The following MTIF3 variants were observed in gnomAD, a reference collection of about 807,000 sequenced individuals.
MTIF3 encodes translation initiation factor IF-3, mitochondrial.
In MTIF3, 13 loss-of-function variants were observed where a neutral mutation model predicts 20.7. That is an observed-to-expected ratio of 0.63 (90% CI 0.41 to 1.00). MTIF3 has a LOEUF of 1.00. Among genes scored for constraint, MTIF3 ranks in the 50% least tolerant of loss-of-function variants. The pLI is 0.00. For missense variants in MTIF3, 295 were observed against 324.5 expected, an observed-to-expected ratio of 0.91 and a Z score of 0.70; for synonymous variants, 114 against 112.5, an observed-to-expected ratio of 1.01 and a Z score of -0.08.
At chr13:27,443,150 T>G (rs1198862010) in intron 2 of MTIF3, among the ~76,000 whole-genome samples, 1 of 152,244 alleles carries the variant, frequency 6.6e-6, no homozygotes, top group African/African-American at 2.4e-5. Flanking sequence ...TGAGTATCTG[T>G]GGCCAGATGC....
At chr13:27,448,654 T>C (rs985613068) in intron 1 of MTIF3, among the ~76,000 whole-genome samples, 3 of 152,242 alleles carry the variant, frequency 2.0e-5, no homozygotes, top group Admixed American at 6.5e-5. Flanking sequence ...TGGCCAACTA[T>C]TTAACCTTAT....
chr13:27,442,977 C>T (rs1331764636), intron 2 of MTIF3, among the ~76,000 whole-genome samples: 1 of 152,220 alleles, frequency 6.6e-6, no homozygotes, highest in Non-Finnish European at 1.5e-5. Context: ...GAGCCTGGCT[C>T]AGCATGCACA....
chr13:27,442,295 G>A (rs981996578), intron 2 of MTIF3, among the ~76,000 whole-genome samples: 3 of 152,084 alleles, frequency 2.0e-5, no homozygotes, highest in Admixed American at 6.6e-5. Flanking sequence ...CGTTCAACCA[G>A]TATAACCACT....
intron 2 of MTIF3, among the ~76,000 whole-genome samples, chr13:27,444,512 T>C (rs1303568517): frequency 6.6e-6 from 1 of 152,220 alleles, no homozygotes; most frequent in African/African-American, 2.4e-5. Flanking sequence ...CAGGCCCTTA[T>C]AGATAAAAAT....
Position 27,439,970 on chromosome 13 carries a change from C to G in MTIF3, c.460+19G>C. ...TGTAGCTCTTAAAGGATTCAGGGAG[C>G]CAACAGCAAAATACCTACCAGTTTT... On this transcript the variant is annotated intron_variant, in intron 3 of 4. Coordinates refer to ENST00000381120, the MANE Select transcript of MTIF3 (RefSeq NM_152912.5). 6.2e-7 allele frequency: 1 copy of G among 1,605,012 alleles called. No homozygotes were observed. Among genetic ancestry groups the G allele is most frequent in the Non-Finnish European group, 8.5e-7 (1 of 1,172,448 alleles).
intron 3 of MTIF3, among the ~76,000 whole-genome samples, chr13:27,438,523 C>G (rs1196131552): frequency 7.4e-6 from 1 of 135,018 alleles, no homozygotes; most frequent in South Asian, 2.3e-4. Flanking sequence ...CACAGGGTCT[C>G]GCTCTGTCAC....
chr13:27,438,915 ATAACATGTGGTTT>A (rs1194109599), intron 3 of MTIF3, among the ~76,000 whole-genome samples: 8 of 149,422 alleles, frequency 5.4e-5, no homozygotes, highest in Admixed American at 4.6e-4. Context: ...TGAGCCGCAG[ATAACATGTGGTTT>A]TCTGAAGGCA....
At chr13:27,437,095 G>GCT (rs766534720) in intron 4 of MTIF3, 21 bp downstream of exon 4, 3 of 1,611,364 alleles carry the variant, frequency 1.9e-6, no homozygotes, top group Non-Finnish European at 2.5e-6. Context: ...ACAAGCAGTG[G>GCT]CTTGTACCTT....
chr13:27,441,448 CTG>C (rs1954000721), intron 2 of MTIF3, among the ~76,000 whole-genome samples: 1 of 152,230 alleles, frequency 6.6e-6, no homozygotes. Flanking sequence ...TCAGAAAACA[CTG>C]TGACATAAAT....
chr13:27,444,428 T>C (rs769822940), intron 2 of MTIF3, among the ~76,000 whole-genome samples: 16 of 152,234 alleles, frequency 1.1e-4, no homozygotes, highest in Non-Finnish European at 1.3e-4. Context: ...ATGCAATTCA[T>C]TGCAATTAAG....
At chr13:27,449,564 C>T (rs1465885739) in intron 1 of MTIF3, among the ~76,000 whole-genome samples, 1 of 152,030 alleles carries the variant, frequency 6.6e-6, no homozygotes, top group Non-Finnish European at 1.5e-5. Context: ...TTCTGATTAC[C>T]TTCCAAACTA....
At chr13:27,448,664 T>C (rs1452698511) in intron 1 of MTIF3, among the ~76,000 whole-genome samples, 1 of 152,254 alleles carries the variant, frequency 6.6e-6, no homozygotes, top group African/African-American at 2.4e-5. Context: ...TTTAACCTTA[T>C]TTCTTTAGCT....
rs1350053765 is a variant in MTIF3, at chr13:27,436,478, A to G, written c.619-585T>C. On this transcript the variant is annotated intron_variant, in intron 4 of 4. Transcript: ENST00000381120. ...GGAAACTACACACTTTCTAGAAGACAGTCTACGTAATTAATGCCCCTATAA... is the reference window on the plus strand; with the variant it reads ...GGAAACTACACACTTTCTAGAAGACGGTCTACGTAATTAATGCCCCTATAA... Among the ~76,000 whole-genome samples, 4 of 152,284 alleles carry G rather than the reference A, an allele frequency of 2.6e-5. No homozygotes were observed. The South Asian group carries it at 8.3e-4, about 32-fold the overall frequency.
At chr13:27,449,541 C>T (rs1034991798) in intron 1 of MTIF3, among the ~76,000 whole-genome samples, 1 of 152,194 alleles carries the variant, frequency 6.6e-6, no homozygotes, top group Non-Finnish European at 1.5e-5. Flanking sequence ...AACGCCAGAT[C>T]CTTAGCGCAT....
intron 3 of MTIF3, among the ~76,000 whole-genome samples, chr13:27,439,105 G>T (rs111699524): frequency 6.6e-6 from 1 of 152,176 alleles, no homozygotes; most frequent in African/African-American, 2.4e-5. Context: ...CAAGTGCCTC[G>T]TCAAGTGACT....
intron 1 of MTIF3, among the ~76,000 whole-genome samples, chr13:27,446,467 T>C (rs1450905634): frequency 2.0e-5 from 3 of 152,254 alleles, no homozygotes; most frequent in Non-Finnish European, 2.9e-5. Flanking sequence ...GCAGAAAATA[T>C]AAACAATGCA....
At chr13:27,446,907 G>A (rs1954197754) in intron 1 of MTIF3, among the ~76,000 whole-genome samples, 1 of 152,082 alleles carries the variant, frequency 6.6e-6, no homozygotes, top group South Asian at 2.1e-4. Context: ...TCGGGTGATG[G>A]TGCACTAAAA....
Position 27,445,123 on chromosome 13 carries a change from T to C in MTIF3, c.-37A>G, listed in dbSNP as rs987710428. 6.6e-6 allele frequency: 1 copy of C among 152,206 alleles called. No individual in the cohort carries two copies. The highest frequency in any genetic ancestry group is 2.4e-5 in the African/African-American group (1 of 41,456). The allele number at this position is 152,206 out of a possible 1,614,324, so 9.4% of individuals were successfully genotyped here. On this transcript the variant is annotated 5_prime_UTR_variant, in exon 2 of 5. Coordinates refer to ENST00000381120, the MANE Select transcript of MTIF3 (RefSeq NM_152912.5). ...AAGAACTGTAATCATCCCCAGTTGA[T>C]GAGGAGAAGCTCTTCTGTAGAGAAG...
intron 4 of MTIF3, 144 bp from the exon 5 acceptor site, chr13:27,436,037 GGTTAA>G (rs1229798017): frequency 5.9e-5 from 37 of 631,890 alleles, no homozygotes; most frequent in Middle Eastern, 4.3e-4. Flanking sequence ...ATACGTATCT[GGTTAA>G]GTTGACTGAA....
Sources: gnomAD v4.1 joint callset for allele counts (sites outside exome capture counted in the v4.1 genomes callset) on GRCh38, gnomAD v4.1.1 for gene constraint, MANE v1.5 for transcripts, NCBI Gene and HGNC (gene_info 2026-07-23, HGNC 2026-07-21) for gene names.